The following RASA2 variants were observed in gnomAD, a reference collection of about 807,000 sequenced individuals.
RASA2 encodes the protein RAS p21 protein activator 2.
Under a neutral mutation model 118.2 loss-of-function variants are expected in RASA2, and 155 were observed. The observed-to-expected ratio is 1.31, with a 90% confidence interval of 1.15 to 1.50. The LOEUF (loss-of-function observed/expected upper bound fraction) is 1.50, where lower values mean the gene tolerates loss of function less well. Among genes scored for constraint, RASA2 ranks in the 40% most tolerant of loss-of-function variants. The probability of loss-of-function intolerance (pLI) is 0.00; values close to 1 mark genes in which losing one functional copy is unlikely to be tolerated. For synonymous variants in RASA2, 353 were observed against 349.1 expected, an observed-to-expected ratio of 1.01 and a Z score of -0.12; for missense variants, 1,016 against 1,009.6, an observed-to-expected ratio of 1.01 and a Z score of -0.09.
chr3:141,608,986 C>G (rs2083593825), intron 21 of RASA2, among the ~76,000 whole-genome samples: 2 of 152,116 alleles, frequency 1.3e-5, no homozygotes, highest in Non-Finnish European at 2.9e-5. Flanking sequence ...TGCAGAGATT[C>G]TTTTAGGAGT....
intron 19 of RASA2, among the ~76,000 whole-genome samples, chr3:141,599,769 T>TTTTTTTTTTTTTTTTTTTTTGAGA (rs1158078807): frequency 6.6e-6 from 1 of 152,012 alleles, no homozygotes; most frequent in Non-Finnish European, 1.5e-5. Context: ...GCGTTTTCAT[T>TTTTTTTTTTTTTTTTTTTTTGAGA]CAGTCTAATA....
In RASA2 at chr3:141,609,510, G is replaced by T. The variant is rs746119531; in HGVS notation, c.2316G>T (p.Leu772=). 5.7e-6 allele frequency: 9 copies of T among 1,579,976 alleles called. 1 individual carries two copies. In the South Asian group the frequency reaches 8.9e-5, roughly 16 times the overall value. The change falls in exon 22 of 24, where the codon CTG becomes CTT. Residue 772 remains leucine, a synonymous_variant. Transcript: ENST00000286364. ...TTTTTACCCTCAGTTTACTTAAGCT[G>T]CAGAAGATGGAAGGTAAATACACAA... ...YSLFTLSLLK[L]QKMEEACGTI...
At chr3:141,573,101 C>G in intron 12 of RASA2, 46 bp from the exon 13 acceptor site, 1 of 1,445,692 alleles carries the variant, frequency 6.9e-7, no homozygotes, top group Non-Finnish European at 9.3e-7. Flanking sequence ...TTCATTTTGT[C>G]AGACTACTTA....
At chr3:141,577,786 A>G (rs2083037192) in intron 15 of RASA2, among the ~76,000 whole-genome samples, 1 of 152,166 alleles carries the variant, frequency 6.6e-6, no homozygotes. Flanking sequence ...TATTTACCTG[A>G]GGTAATACTG....
chr3:141,599,170 G>T (rs2083422953), intron 19 of RASA2, among the ~76,000 whole-genome samples: 1 of 150,682 alleles, frequency 6.6e-6, no homozygotes, highest in South Asian at 2.1e-4. Flanking sequence ...CGGAGATAAG[G>T]TAAAGAAAGT....
chr3:141,526,606 T>C (rs976756274), intron 3 of RASA2, among the ~76,000 whole-genome samples: 1 of 152,236 alleles, frequency 6.6e-6, no homozygotes, highest in African/African-American at 2.4e-5. Context: ...AATTTTCCTG[T>C]GCCATTCTTA....
intron 5 of RASA2, among the ~76,000 whole-genome samples, chr3:141,541,285 A>G (rs558991297): frequency 1.7e-4 from 26 of 152,260 alleles, no homozygotes; most frequent in African/African-American, 5.5e-4. Flanking sequence ...TCATGTCCAC[A>G]TATTGTAAGG....
chr3:141,594,011 G>A (rs1429826385), intron 19 of RASA2, among the ~76,000 whole-genome samples: 1 of 152,156 alleles, frequency 6.6e-6, no homozygotes, highest in Non-Finnish European at 1.5e-5. Context: ...ATTAGCAGAC[G>A]TGAACGTTAA....
intron 13 of RASA2, 122 bp from the exon 14 acceptor site, chr3:141,573,822 T>C: frequency 1.3e-6 from 1 of 799,848 alleles, no homozygotes; most frequent in Non-Finnish European, 1.7e-6. Context: ...GTAACAGTAC[T>C]TTAAAAAATG....
At chr3:141,541,653 C>T (rs1375253754) in intron 5 of RASA2, among the ~76,000 whole-genome samples, 2 of 151,900 alleles carry the variant, frequency 1.3e-5, no homozygotes, top group Non-Finnish European at 2.9e-5. Flanking sequence ...TGTTAACTGT[C>T]CCAATGATGT....
chr3:141,570,307 G>A (rs1226219478), intron 9 of RASA2, among the ~76,000 whole-genome samples: 3 of 151,330 alleles, frequency 2.0e-5, no homozygotes, highest in Non-Finnish European at 4.4e-5. Flanking sequence ...CTGCAACTCC[G>A]CCTCCTGAGT....
At chr3:141,538,727 A>G (rs2082364061) in intron 4 of RASA2, among the ~76,000 whole-genome samples, 1 of 152,096 alleles carries the variant, frequency 6.6e-6, no homozygotes, top group Non-Finnish European at 1.5e-5. Context: ...GACCTGGTTA[A>G]TATATAATTG....
At chr3:141,583,400 G>C (rs1340454649) in intron 17 of RASA2, among the ~76,000 whole-genome samples, 1 of 151,968 alleles carries the variant, frequency 6.6e-6, no homozygotes, top group African/African-American at 2.4e-5. Flanking sequence ...ACTCCAGCTT[G>C]GGCAACAAGA....
rs888966105 is a variant in RASA2, at chr3:141,614,836, G to A, written c.*2523G>A. 2.0e-5 allele frequency: 3 copies of A among 152,066 alleles called. No homozygotes were observed. Among genetic ancestry groups the A allele is most frequent in the East Asian group, 1.9e-4 (1 of 5,198 alleles). The allele number at this position is 152,066 out of a possible 1,614,324, so 9.4% of individuals were successfully genotyped here. A position where few individuals can be genotyped will look rare whatever the true frequency, so the allele number is the denominator to read the frequency against. ...CAAAGAAACTTGTTTTTAATATCAC[G>A]GGTAATGGGTAAGTGTGAAAACTAG... is the stretch of plus-strand genomic sequence containing the variant. On this transcript the variant is annotated 3_prime_UTR_variant, in exon 24 of 24. Transcript: ENST00000286364.
chr3:141,560,151 A>G (rs561660945), intron 9 of RASA2, among the ~76,000 whole-genome samples, 156 bp downstream of exon 9: 1 of 152,296 alleles, frequency 6.6e-6, no homozygotes, highest in African/African-American at 2.4e-5. Flanking sequence ...ATTGTTGCAG[A>G]AGTAAATTGT....
chr3:141,510,765 A>G (rs980552212), intron 1 of RASA2, among the ~76,000 whole-genome samples: 10 of 152,218 alleles, frequency 6.6e-5, no homozygotes, highest in African/African-American at 2.4e-4. Context: ...ATGAATGAAA[A>G]AAACTAAACA....
intron 19 of RASA2, among the ~76,000 whole-genome samples, chr3:141,596,185 A>G (rs749916552): frequency 6.6e-6 from 1 of 152,216 alleles, no homozygotes; most frequent in Non-Finnish European, 1.5e-5. Context: ...TTCTCTGATC[A>G]CAACAGAATT....
At chr3:141,557,435 A>G (rs2082666605) in intron 7 of RASA2, among the ~76,000 whole-genome samples, 1 of 152,236 alleles carries the variant, frequency 6.6e-6, no homozygotes, top group Non-Finnish European at 1.5e-5. Context: ...GCAGAGGCAC[A>G]GAGACAGAAA....
chr3:141,554,816 C>T (rs886530581), intron 6 of RASA2, among the ~76,000 whole-genome samples: 6 of 152,054 alleles, frequency 3.9e-5, no homozygotes, highest in African/African-American at 1.5e-4. Context: ...GATACTCAGT[C>T]GTATGACATT....
Sources: gnomAD v4.1 joint callset for allele counts (sites outside exome capture counted in the v4.1 genomes callset) on GRCh38, gnomAD v4.1.1 for gene constraint, MANE v1.5 for transcripts, NCBI Gene and HGNC (gene_info 2026-07-23, HGNC 2026-07-21) for gene names.